Variants in MTX2 observed in about 807,000 individuals in gnomAD.
MTX2 encodes the protein metaxin-2.
MTX2 carries 35 observed loss-of-function variants against 42.3 expected under a neutral mutation model. The ratio of observed to expected loss-of-function variants is 0.83; its 90% confidence interval spans 0.63 to 1.10. The LOEUF is 1.10. Ranked by LOEUF, MTX2 falls within the 50% of genes least tolerant of loss-of-function variation. The pLI is 0.00. For synonymous variants in MTX2, 119 were observed against 100.9 expected, an observed-to-expected ratio of 1.18 and a Z score of -1.08; for missense variants, 307 against 304.1, an observed-to-expected ratio of 1.01 and a Z score of -0.07.
intron 1 of MTX2, among the ~76,000 whole-genome samples, chr2:176,289,811 C>T (rs576286642): frequency 6.6e-6 from 1 of 152,002 alleles, no homozygotes; most frequent in African/African-American, 2.4e-5. Context: ...AAGATATTAG[C>T]TTAAATGATG....
chr2:176,331,035 A>C (rs1684850975), intron 9 of MTX2, among the ~76,000 whole-genome samples: 1 of 151,246 alleles, frequency 6.6e-6, no homozygotes, highest in African/African-American at 2.4e-5. Flanking sequence ...TTTTCTATAT[A>C]GAATGATAGC....
intron 1 of MTX2, among the ~76,000 whole-genome samples, chr2:176,289,573 T>C (rs1693280281): frequency 6.6e-6 from 1 of 152,098 alleles, no homozygotes. Flanking sequence ...TTATCTGCAG[T>C]ATAGGGATAT....
intron 3 of MTX2, among the ~76,000 whole-genome samples, chr2:176,312,863 CAAAAA>C (rs557475003): frequency 1.8e-5 from 1 of 56,030 alleles, no homozygotes; most frequent in African/African-American, 5.5e-5. Flanking sequence ...AATGCCATCT[CAAAAA>C]AAAAAAAAAA....
intron 9 of MTX2, among the ~76,000 whole-genome samples, chr2:176,332,106 A>G (rs1357143070): frequency 6.6e-6 from 1 of 151,270 alleles, no homozygotes; most frequent in Non-Finnish European, 1.5e-5. Flanking sequence ...GCTTTTGAGG[A>G]ACTATTTAAT....
intron 9 of MTX2, among the ~76,000 whole-genome samples, chr2:176,330,988 C>T (rs1684849819): frequency 6.6e-6 from 1 of 150,890 alleles, no homozygotes; most frequent in Non-Finnish European, 1.5e-5. Flanking sequence ...TACTATTAAA[C>T]ATGAAGGAAA....
intron 3 of MTX2, among the ~76,000 whole-genome samples, chr2:176,303,218 GAA>G (rs1684067835): frequency 6.6e-6 from 1 of 151,938 alleles, no homozygotes; most frequent in Non-Finnish European, 1.5e-5. Flanking sequence ...AATATTTTAT[GAA>G]AAAGATTTAA....
intron 1 of MTX2, among the ~76,000 whole-genome samples, chr2:176,290,714 G>T (rs1395533394): frequency 6.7e-6 from 1 of 149,522 alleles, no homozygotes; most frequent in African/African-American, 2.5e-5. Context: ...CCCAGTTTAG[G>T]ATTTCAACTT....
intron 1 of MTX2, among the ~76,000 whole-genome samples, chr2:176,293,076 ACCAAAATAAAC>A (rs902365129): frequency 2.0e-5 from 3 of 152,222 alleles, no homozygotes; most frequent in African/African-American, 7.2e-5. Context: ...TGTAGCCCAA[ACCAAAATAAAC>A]CTAAAAGTCA....
chr2:176,331,532 T>C (rs1684864642), intron 9 of MTX2, among the ~76,000 whole-genome samples: 1 of 151,174 alleles, frequency 6.6e-6, no homozygotes. Context: ...ATAATATTTG[T>C]AGTAAAAATG....
chr2:176,331,946 G>A (rs886732744), intron 9 of MTX2, among the ~76,000 whole-genome samples: 5 of 151,176 alleles, frequency 3.3e-5, no homozygotes, highest in East Asian at 1.9e-4. Context: ...TTTCTTCTCA[G>A]TTAAACTCAT....
At chr2:176,299,871 C>T (rs1683980389) in intron 3 of MTX2, among the ~76,000 whole-genome samples, 1 of 151,974 alleles carries the variant, frequency 6.6e-6, no homozygotes, top group African/African-American at 2.4e-5. Flanking sequence ...CCAGTTAGGC[C>T]ATTAGGAAAT....
chr2:176,285,921 A>T (rs1365806693), intron 1 of MTX2, among the ~76,000 whole-genome samples: 1 of 152,174 alleles, frequency 6.6e-6, no homozygotes, highest in East Asian at 1.9e-4. Context: ...TTGATGGGTC[A>T]TATGGTAAAA....
chr2:176,269,673 G>A lies in MTX2; in HGVS notation c.40+4G>A. ...GCCTTCGTCTCCCAGATTGCAGGTA[G>A]CGCGGCTGGCCGCAGACCCAGAAGG... is the stretch of plus-strand genomic sequence containing the variant. On this transcript the variant is annotated splice_donor_region_variant and intron_variant, in intron 1 of 9. Coordinates refer to ENST00000249442, the MANE Select transcript of MTX2 (RefSeq NM_006554.5). 1 of 1,594,710 alleles carries A rather than the reference G, an allele frequency of 6.3e-7. No homozygotes were observed. Among genetic ancestry groups the A allele is most frequent in the Non-Finnish European group, 8.5e-7 (1 of 1,173,558 alleles).
At chr2:176,312,514 ATAT>A (rs1297499178) in intron 3 of MTX2, among the ~76,000 whole-genome samples, 1 of 152,152 alleles carries the variant, frequency 6.6e-6, no homozygotes, top group African/African-American at 2.4e-5. Flanking sequence ...AGAAAAGATG[ATAT>A]TATGTAATTA....
chr2:176,320,230 A>G (rs1684546554), intron 3 of MTX2, among the ~76,000 whole-genome samples: 1 of 152,096 alleles, frequency 6.6e-6, no homozygotes, highest in Non-Finnish European at 1.5e-5. Flanking sequence ...CCTGGGCGAC[A>G]GAGTGAAATT....
At chr2:176,305,904 T>G (rs1053248648) in intron 3 of MTX2, among the ~76,000 whole-genome samples, 2 of 152,146 alleles carry the variant, frequency 1.3e-5, no homozygotes, top group Non-Finnish European at 2.9e-5. Context: ...TTCTGATTTC[T>G]ACATAGATCA....
chr2:176,321,428 GAATT>G (rs1471049315), intron 3 of MTX2, among the ~76,000 whole-genome samples: 1 of 152,122 alleles, frequency 6.6e-6, no homozygotes, highest in Non-Finnish European at 1.5e-5. Context: ...AACTGTAGGT[GAATT>G]AATTAAGATT....
At chr2:176,309,580 A>G (rs1417932312) in intron 3 of MTX2, among the ~76,000 whole-genome samples, 4 of 152,082 alleles carry the variant, frequency 2.6e-5, no homozygotes, top group African/African-American at 9.7e-5. Context: ...GTGCTCTTGT[A>G]TTGGGTGCAT....
intron 1 of MTX2, among the ~76,000 whole-genome samples, chr2:176,271,129 C>T (rs1444156924): frequency 1.3e-5 from 2 of 152,114 alleles, no homozygotes; most frequent in African/African-American, 2.4e-5. Context: ...GGCATTTTGT[C>T]TGTCTGCCGT....
Sources: allele counts gnomAD v4.1 joint callset (sites outside exome capture counted in the v4.1 genomes callset), GRCh38; gene constraint gnomAD v4.1.1; transcripts MANE v1.5; gene names NCBI Gene and HGNC (gene_info 2026-07-23, HGNC 2026-07-21).